GLI2: variants seen among roughly 807,000 people sequenced by gnomAD.
GLI2 encodes transcription activator GLI2.
In GLI2, 22 loss-of-function variants were observed where a neutral mutation model predicts 78.9. That is an observed-to-expected ratio of 0.28 (90% CI 0.20 to 0.40). GLI2 has a LOEUF of 0.40. Among genes scored for constraint, GLI2 ranks in the 10% least tolerant of loss-of-function variants. The pLI, the probability that GLI2 is intolerant of heterozygous loss-of-function variation, is 1.00. For missense variants in GLI2, 2,097 were observed against 2,213.2 expected (o/e 0.95, Z 1.05); for synonymous variants, 974 against 963.7 (o/e 1.01, Z -0.20).
rs1682400929 is a variant in GLI2, at chr2:120,737,389, CTG to C, written c.-31+1105_-31+1106del. 6.6e-6 allele frequency among the ~76,000 whole-genome samples: 1 copy of C among 152,192 alleles called. No homozygotes were observed. Among genetic ancestry groups the C allele is most frequent in the Admixed American group, 6.5e-5 (1 of 15,288 alleles). On this transcript the variant is annotated intron_variant, in intron 1 of 13. Coordinates refer to ENST00000361492, the MANE Select transcript of GLI2 (RefSeq NM_001374353.1). The surrounding 1 kb of genome is among the most constrained non-coding windows in gnomAD (Gnocchi z 4.3). ...GCGCCTCACCCTGGGTGATCGGTCG[CTG>C]AGGCTCTCGGGGACCTCGAGCCCCC... is the stretch of plus-strand genomic sequence containing the variant.
chr2:120,978,243 G>A (rs72837371), intron 9 of GLI2, among the ~76,000 whole-genome samples, 191 bp from the exon 10 acceptor site: 80 of 152,278 alleles, frequency 5.3e-4, no homozygotes, highest in Non-Finnish European at 1.0e-3. Flanking sequence ...TCAGTGGTCT[G>A]CGTATAGTAG....
At chr2:120,953,775 C>G (rs1681106162) in intron 4 of GLI2, among the ~76,000 whole-genome samples, 3 of 152,088 alleles carry the variant, frequency 2.0e-5, no homozygotes, top group Admixed American at 2.0e-4. Context: ...CGCTTGAGCC[C>G]AGGACTTCAA....
intron 2 of GLI2, among the ~76,000 whole-genome samples, chr2:120,909,744 G>A (rs1051870662): frequency 1.3e-5 from 2 of 151,924 alleles, no homozygotes; most frequent in African/African-American, 4.8e-5. Context: ...GGGCGCCTGT[G>A]GTCCCAGCTA....
chr2:120,810,544 T>C (rs1199477290), intron 2 of GLI2, among the ~76,000 whole-genome samples: 1 of 152,058 alleles, frequency 6.6e-6, no homozygotes, highest in Non-Finnish European at 1.5e-5. Flanking sequence ...CTCCTCTCCC[T>C]GGCCCTGTGC....
chr2:120,871,895 C>T (rs1688481418), intron 2 of GLI2, among the ~76,000 whole-genome samples: 1 of 152,220 alleles, frequency 6.6e-6, no homozygotes, highest in Non-Finnish European at 1.5e-5. Flanking sequence ...TGTTTCTCAA[C>T]TCCCACAGCA....
chr2:120,924,572 C>T (rs1679568654), intron 2 of GLI2, among the ~76,000 whole-genome samples: 2 of 151,518 alleles, frequency 1.3e-5, no homozygotes, highest in Admixed American at 1.3e-4. Context: ...CATACACACA[C>T]AACCATTTTT....
At chr2:120,777,562 T>TG (rs1395909888) in intron 1 of GLI2, among the ~76,000 whole-genome samples, 7 of 143,092 alleles carry the variant, frequency 4.9e-5, no homozygotes, top group East Asian at 2.1e-4. Context: ...GAGGAAAGCT[T>TG]TGGGGGGTCT....
chr2:120,795,883 C>G (rs565131489), intron 1 of GLI2, among the ~76,000 whole-genome samples: 1 of 152,174 alleles, frequency 6.6e-6, no homozygotes, highest in Non-Finnish European at 1.5e-5. Context: ...AACCCTGTCT[C>G]TACTAAAAAT....
Position 120,986,120 on chromosome 2 carries a change from T to C in GLI2, c.1906-158T>C, listed in dbSNP as rs6736968. Among the ~76,000 whole-genome samples the C allele has an allele frequency of 0.028, 4,190 of 152,342 alleles. 205 individuals carry two copies. The highest frequency in any genetic ancestry group is 0.095 in the African/African-American group (3,964 of 41,560). Reference sequence around the variant, plus strand: ...ACTTGACCGTTTTAAGCAAACAGACTCATGACGCTTTACGTGCTCCTCCGC... The same window carrying C: ...ACTTGACCGTTTTAAGCAAACAGACCCATGACGCTTTACGTGCTCCTCCGC... On this transcript the variant is annotated intron_variant, in intron 12 of 13. Transcript: ENST00000361492.
Position 120,778,547 on chromosome 2 carries a change from G to C in GLI2, c.-30-18744G>C, listed in dbSNP as rs115110063. On this transcript the variant is annotated intron_variant, in intron 1 of 13. Transcript: ENST00000361492. Reference sequence around the variant, plus strand: ...GGGCAGGTGCTGTGCCTGAGTTCTGGGGCATCTGAGTGGCAGGCAGGCAGA... The same window carrying C: ...GGGCAGGTGCTGTGCCTGAGTTCTGCGGCATCTGAGTGGCAGGCAGGCAGA... Among the ~76,000 whole-genome samples, 653 of 152,316 alleles carry C rather than the reference G, an allele frequency of 4.3e-3. 6 individuals are homozygous for C. The highest frequency in any genetic ancestry group is 0.015 in the African/African-American group (626 of 41,562).
At chr2:120,923,719 GACAC>G (rs1464697410) in intron 2 of GLI2, among the ~76,000 whole-genome samples, 3 of 151,918 alleles carry the variant, frequency 2.0e-5, no homozygotes, top group Non-Finnish European at 2.9e-5. Flanking sequence ...CTACAACAGA[GACAC>G]ACACGACACA....
intron 2 of GLI2, among the ~76,000 whole-genome samples, chr2:120,900,127 G>C (rs1355734897): frequency 1.3e-5 from 2 of 152,206 alleles, no homozygotes; most frequent in East Asian, 3.8e-4. Flanking sequence ...ATCTCCTGGG[G>C]GTGGGAGGGT....
At chr2:120,921,226 T>A (rs866320641) in intron 2 of GLI2, among the ~76,000 whole-genome samples, 2 of 151,316 alleles carry the variant, frequency 1.3e-5, no homozygotes, top group Admixed American at 1.3e-4. Context: ...GAAAAGGTGG[T>A]CTGTAGAGAC....
At chr2:120,848,437 C>A (rs546225739) in intron 2 of GLI2, among the ~76,000 whole-genome samples, 97 of 152,304 alleles carry the variant, frequency 6.4e-4, no homozygotes, top group Non-Finnish European at 1.1e-3. Context: ...CCTACCGACT[C>A]GCCCCTGGGG....
At chr2:120,951,175 G>A (rs1251251108) in intron 3 of GLI2, 68 bp from the exon 4 acceptor site, 1 of 869,424 alleles carries the variant, frequency 1.2e-6, no homozygotes, top group African/African-American at 1.6e-5. Flanking sequence ...TGTCCATGTT[G>A]GTTTTGGGGT....
intron 2 of GLI2, among the ~76,000 whole-genome samples, chr2:120,890,258 T>C (rs1677613492): frequency 6.6e-6 from 1 of 152,292 alleles, no homozygotes; most frequent in Admixed American, 6.5e-5. Context: ...TTTGATGTGA[T>C]GAAATTTTAG....
chr2:120,980,882 T>G (rs930162572), intron 10 of GLI2, among the ~76,000 whole-genome samples: 10 of 151,356 alleles, frequency 6.6e-5, no homozygotes, highest in Non-Finnish European at 1.5e-4. Flanking sequence ...CATTTGGAGT[T>G]AATTTTTTTT....
chr2:120,790,877 G>T (rs1051105179), intron 1 of GLI2, among the ~76,000 whole-genome samples: 13 of 152,118 alleles, frequency 8.5e-5, no homozygotes, highest in African/African-American at 3.1e-4. Context: ...GTCCCCCCAG[G>T]GCCCTGCAGG....
intron 1 of GLI2, among the ~76,000 whole-genome samples, chr2:120,797,035 A>G (rs2104696024): frequency 6.6e-6 from 1 of 152,310 alleles, no homozygotes; most frequent in East Asian, 1.9e-4. Context: ...ATCAGTAGGA[A>G]CCTGTTACTT....
Sources: allele counts gnomAD v4.1 joint callset (sites outside exome capture counted in the v4.1 genomes callset), GRCh38; gene constraint gnomAD v4.1.1; non-coding constraint Gnocchi (gnomAD v3.1); transcripts MANE v1.5; gene names NCBI Gene and HGNC (gene_info 2026-07-23, HGNC 2026-07-21).